The following STK32B variants were observed in gnomAD, a reference collection of about 807,000 sequenced individuals.
STK32B encodes the protein serine/threonine-protein kinase 32B.
STK32B carries 43 observed loss-of-function variants against 52.6 expected under a neutral mutation model. That is an observed-to-expected ratio of 0.82 (90% CI 0.64 to 1.05). STK32B has a LOEUF of 1.05. STK32B is among the 50% of genes least tolerant of loss of function. The pLI, the probability that STK32B is intolerant of heterozygous loss-of-function variation, is 0.00. For synonymous variants in STK32B, 238 were observed against 204.3 expected (o/e 1.17, Z -1.41); for missense variants, 621 against 534.6 (o/e 1.16, Z -1.59).
intron 3 of STK32B, among the ~76,000 whole-genome samples, chr4:5,276,000 A>G (rs1290012596): frequency 6.6e-6 from 1 of 152,098 alleles, no homozygotes; most frequent in African/African-American, 2.4e-5. Flanking sequence ...ATTTTAAAAG[A>G]CATTTAGGCC....
intron 5 of STK32B, among the ~76,000 whole-genome samples, chr4:5,401,228 A>G (rs1737272221): frequency 6.6e-6 from 1 of 152,314 alleles, no homozygotes; most frequent in Middle Eastern, 3.4e-3. Flanking sequence ...GTGTTCCTAA[A>G]TGAGTCCTAA....
rs944376099 is a variant in STK32B, at chr4:5,396,438, A to G, written c.435-1769A>G. On this transcript the variant is annotated intron_variant, in intron 4 of 11. Transcript: ENST00000282908. This position sits in a 1 kb window ranked among gnomAD's most constrained non-coding sequence, Gnocchi z 4.7. ...GAGATCCTTAAGTAATTACCTCTGCAAAGACTCCATTTCCATATAGGGTCC... is the reference window on the plus strand; with the variant it reads ...GAGATCCTTAAGTAATTACCTCTGCGAAGACTCCATTTCCATATAGGGTCC... Among the ~76,000 whole-genome samples, 1 of 152,158 alleles carries G rather than the reference A, an allele frequency of 6.6e-6. No homozygotes were observed. Among genetic ancestry groups the G allele is most frequent in the African/African-American group, 2.4e-5 (1 of 41,438 alleles).
chr4:5,499,142 C>T lies in STK32B; in HGVS notation c.*59C>T. 6.5e-7 allele frequency: 1 copy of T among 1,527,386 alleles called. No homozygotes were observed. The highest frequency in any genetic ancestry group is 1.9e-5 in the Admixed American group (1 of 52,006). The allele number at this position is 1,527,386 out of a possible 1,614,324, so 94.6% of individuals were successfully genotyped here. A position where few individuals can be genotyped will look rare whatever the true frequency, so the allele number is the denominator to read the frequency against. On this transcript the variant is annotated 3_prime_UTR_variant, in exon 12 of 12. Transcript: ENST00000282908. ...TCGTCTCTGCCCTGCCCACCCAGAG[C>T]CCCTCTTTGTGCCCTGATGGTCCCT... is the stretch of plus-strand genomic sequence containing the variant.
chr4:5,144,027 G>C (rs994986333), intron 2 of STK32B, among the ~76,000 whole-genome samples: 1 of 152,196 alleles, frequency 6.6e-6, no homozygotes, highest in Admixed American at 6.5e-5. Context: ...GTGGTTGCCA[G>C]AGGAGTGATC....
intron 3 of STK32B, among the ~76,000 whole-genome samples, chr4:5,304,160 G>A (rs933854591): frequency 6.6e-6 from 1 of 152,020 alleles, no homozygotes; most frequent in African/African-American, 2.4e-5. Flanking sequence ...TGGCTATGCA[G>A]GCTCTTTTTT....
At chr4:5,340,466 A>G (rs1158453282) in intron 4 of STK32B, among the ~76,000 whole-genome samples, 2 of 152,250 alleles carry the variant, frequency 1.3e-5, no homozygotes, top group African/African-American at 2.4e-5. Flanking sequence ...TGGAGCCTGT[A>G]TTGCAAGGGT....
intron 3 of STK32B, among the ~76,000 whole-genome samples, chr4:5,216,780 A>G (rs1306109409): frequency 1.3e-5 from 2 of 152,224 alleles, no homozygotes; most frequent in African/African-American, 2.4e-5. Context: ...ATAGGAAGCC[A>G]TTAAAACCCC....
chr4:5,413,219 C>G (rs145233593), intron 5 of STK32B, among the ~76,000 whole-genome samples: 155 of 152,304 alleles, frequency 1.0e-3, no homozygotes, highest in East Asian at 3.9e-3. Context: ...GCTTTCAGAG[C>G]TTAAATAACC....
intron 3 of STK32B, among the ~76,000 whole-genome samples, chr4:5,221,722 C>T (rs998831221): frequency 6.6e-6 from 1 of 151,576 alleles, no homozygotes; most frequent in African/African-American, 2.4e-5. Flanking sequence ...CAGGTGTGGT[C>T]GTGTGTGCCT....
chr4:5,237,377 A>C (rs1014822059), intron 3 of STK32B, among the ~76,000 whole-genome samples: 1 of 152,164 alleles, frequency 6.6e-6, no homozygotes, highest in Admixed American at 6.5e-5. Context: ...TGAACAAGGA[A>C]AACACTACAG....
At chr4:5,495,444 T>C (rs1720143707) in intron 11 of STK32B, among the ~76,000 whole-genome samples, 1 of 152,182 alleles carries the variant, frequency 6.6e-6, no homozygotes, top group Non-Finnish European at 1.5e-5. Flanking sequence ...TTTAAGCACT[T>C]CTCTCTATTG....
intron 4 of STK32B, among the ~76,000 whole-genome samples, chr4:5,361,111 A>G (rs1031132686): frequency 2.0e-5 from 3 of 152,200 alleles, no homozygotes; most frequent in Admixed American, 6.5e-5. Flanking sequence ...TTCACTTAAC[A>G]TAATATCTGC....
At chr4:5,444,557 G>C (rs1163521266) in intron 6 of STK32B, among the ~76,000 whole-genome samples, 4 of 152,256 alleles carry the variant, frequency 2.6e-5, no homozygotes, top group Admixed American at 6.5e-5. Flanking sequence ...GAAATCACCC[G>C]TCTTCTGCGT....
intron 3 of STK32B, among the ~76,000 whole-genome samples, chr4:5,257,438 A>G (rs1339144096): frequency 1.3e-5 from 2 of 152,206 alleles, no homozygotes; most frequent in Non-Finnish European, 2.9e-5. Flanking sequence ...TGATGAGTGG[A>G]TGGATGCAGA....
chr4:5,120,988 T>C (rs1714994350), intron 1 of STK32B, among the ~76,000 whole-genome samples: 4 of 152,106 alleles, frequency 2.6e-5, no homozygotes, highest in Admixed American at 2.6e-4. Flanking sequence ...CATGGATAAG[T>C]TCTTTAGTGG....
chr4:5,249,666 C>T (rs1725775097), intron 3 of STK32B, among the ~76,000 whole-genome samples: 2 of 152,144 alleles, frequency 1.3e-5, no homozygotes, highest in South Asian at 4.2e-4. Flanking sequence ...TTTCACTCTT[C>T]CTTGATCCAG....
chr4:5,418,982 A>T (rs1712400312), intron 6 of STK32B, among the ~76,000 whole-genome samples: 1 of 152,192 alleles, frequency 6.6e-6, no homozygotes, highest in Non-Finnish European at 1.5e-5. Flanking sequence ...ATCTATCTTC[A>T]TGAACACTAG....
chr4:5,254,151 G>A (rs976747366), intron 3 of STK32B, among the ~76,000 whole-genome samples: 1 of 152,090 alleles, frequency 6.6e-6, no homozygotes, highest in Non-Finnish European at 1.5e-5. Flanking sequence ...CTTTCGGTAA[G>A]GTATGTTTTT....
At chr4:5,103,294 G>T (rs1479391881) in intron 1 of STK32B, among the ~76,000 whole-genome samples, 1 of 152,002 alleles carries the variant, frequency 6.6e-6, no homozygotes, top group African/African-American at 2.4e-5. Context: ...TGCCACATCC[G>T]AATCCTTCTC....
Sources: allele counts gnomAD v4.1 joint callset (sites outside exome capture counted in the v4.1 genomes callset), GRCh38; gene constraint gnomAD v4.1.1; non-coding constraint Gnocchi (gnomAD v3.1); transcripts MANE v1.5; gene names NCBI Gene and HGNC (gene_info 2026-07-23, HGNC 2026-07-21).